The following RGS7 variants were observed in gnomAD, a reference collection of about 807,000 sequenced individuals.
The protein encoded by RGS7 is regulator of G protein signaling 7.
A neutral mutation model predicts 81.1 loss-of-function variants in RGS7; 27 were observed. That is an observed-to-expected ratio of 0.33 (90% CI 0.25 to 0.46). The LOEUF (loss-of-function observed/expected upper bound fraction) is 0.46. Ranked by LOEUF, RGS7 falls within the 20% of genes least tolerant of loss-of-function variation. RGS7 has a pLI of 1.00. For missense variants in RGS7, 396 were observed against 607.4 expected, an observed-to-expected ratio of 0.65 and a Z score of 3.66; for synonymous variants, 208 against 207.7, an observed-to-expected ratio of 1.00 and a Z score of -0.01.
intron 4 of RGS7, among the ~76,000 whole-genome samples, chr1:240,940,834 T>G (rs560127642): frequency 5.9e-5 from 9 of 152,328 alleles, no homozygotes; most frequent in African/African-American, 1.9e-4. Context: ...AGACTATTCT[T>G]GACTCCTGCA....
At chr1:240,782,537 C>G (rs548032181) in intron 18 of RGS7, among the ~76,000 whole-genome samples, 1 of 152,266 alleles carries the variant, frequency 6.6e-6, no homozygotes, top group Non-Finnish European at 1.5e-5. Flanking sequence ...ATCCTCCTGC[C>G]TCAGCCTCCC....
At chr1:240,950,487 T>C (rs1395847180) in intron 4 of RGS7, among the ~76,000 whole-genome samples, 2 of 152,146 alleles carry the variant, frequency 1.3e-5, no homozygotes, top group Non-Finnish European at 2.9e-5. Context: ...GGGCAGAGCT[T>C]CTACAAAATA....
rs143043027 is a variant in RGS7 at position 240,863,723 on chromosome 1, G to A, written c.609+4864C>T. Among the ~76,000 whole-genome samples, 466 of 151,984 alleles carry A rather than the reference G, an allele frequency of 3.1e-3. 3 individuals carry two copies. The highest frequency in any genetic ancestry group is 0.01 in the African/African-American group (433 of 41,414). On this transcript the variant is annotated intron_variant, in intron 9 of 18. Transcript: ENST00000440928. ...TATATGAAAAATGCCCTGAACTCTG[G>A]ACTTTTAAAAACAGCAAAAGGATAT...
intron 2 of RGS7, among the ~76,000 whole-genome samples, chr1:241,130,016 A>G (rs982966904): frequency 6.6e-6 from 1 of 152,188 alleles, no homozygotes; most frequent in African/African-American, 2.4e-5. Context: ...TACCATCACT[A>G]TGCTCCACCT....
chr1:240,935,886 C>T (rs1156867237), intron 5 of RGS7, among the ~76,000 whole-genome samples: 1 of 152,148 alleles, frequency 6.6e-6, no homozygotes, highest in African/African-American at 2.4e-5. Flanking sequence ...ATTTTATGTG[C>T]CTTAATTTTA....
At chr1:241,150,907 G>A (rs2068699600) in intron 2 of RGS7, among the ~76,000 whole-genome samples, 1 of 152,170 alleles carries the variant, frequency 6.6e-6, no homozygotes, top group South Asian at 2.1e-4. Flanking sequence ...AACCCAGAGG[G>A]CCACTGTTGC....
At position 240,911,561 on chromosome 1, in the gene RGS7, T is replaced by C. The variant is rs1361994904; in HGVS notation, c.385+19156A>G. 5.3e-5 allele frequency among the ~76,000 whole-genome samples: 8 copies of C among 152,310 alleles called. No individual in the cohort carries two copies. In the East Asian group the frequency reaches 1.5e-3, roughly 29 times the overall value. On this transcript the variant is annotated intron_variant, in intron 6 of 18. Transcript: ENST00000440928. ...AATCTTTCTGTCCAACACCAATCTC[T>C]TGTCTTTACTTTAGAATTGGATAGC...
At chr1:240,954,983 G>A (rs1332560454) in intron 4 of RGS7, among the ~76,000 whole-genome samples, 1 of 152,046 alleles carries the variant, frequency 6.6e-6, no homozygotes, top group Non-Finnish European at 1.5e-5. Context: ...ATTTAACAAT[G>A]CCATTCACAA....
chr1:241,169,271 T>G (rs994036636), intron 2 of RGS7, among the ~76,000 whole-genome samples: 2 of 151,110 alleles, frequency 1.3e-5, no homozygotes, highest in African/African-American at 4.9e-5. Flanking sequence ...CTTAAGAAAA[T>G]CAAGTCCTTT....
intron 2 of RGS7, among the ~76,000 whole-genome samples, chr1:241,180,283 G>A (rs1170764358): frequency 6.6e-6 from 1 of 152,130 alleles, no homozygotes; most frequent in South Asian, 2.1e-4. Flanking sequence ...GCTGAGGCAG[G>A]AGAATGGCGT....
intron 2 of RGS7, among the ~76,000 whole-genome samples, chr1:241,125,854 C>T (rs1445906859): frequency 6.6e-6 from 1 of 152,148 alleles, no homozygotes; most frequent in Non-Finnish European, 1.5e-5. Context: ...CTCTTAGGAA[C>T]TGAAAGTGCT....
intron 2 of RGS7, among the ~76,000 whole-genome samples, chr1:241,236,719 A>C (rs2148108689): frequency 6.6e-6 from 1 of 152,352 alleles, no homozygotes; most frequent in African/African-American, 2.4e-5. Flanking sequence ...TTCGATAAAG[A>C]AGCAATATGA....
chr1:241,300,163 T>A (rs1315062870), intron 2 of RGS7, among the ~76,000 whole-genome samples: 1 of 151,750 alleles, frequency 6.6e-6, no homozygotes, highest in Admixed American at 6.6e-5. Flanking sequence ...ACAGCAAAAT[T>A]AAGTGGAAAG....
intron 2 of RGS7, among the ~76,000 whole-genome samples, chr1:241,139,901 C>T (rs2067806674): frequency 6.6e-6 from 1 of 152,182 alleles, no homozygotes; most frequent in Non-Finnish European, 1.5e-5. Context: ...AGAGTATTGT[C>T]TTGGTGTTTA....
chr1:241,347,940 C>A (rs1010636582), intron 2 of RGS7, among the ~76,000 whole-genome samples: 5 of 151,984 alleles, frequency 3.3e-5, no homozygotes, highest in African/African-American at 1.2e-4. Context: ...TTGTTTTAAG[C>A]ACTGTATGCA....
intron 2 of RGS7, among the ~76,000 whole-genome samples, chr1:241,132,530 G>GA (rs1203967590): frequency 2.0e-5 from 3 of 151,766 alleles, no homozygotes; most frequent in Non-Finnish European, 4.4e-5. Flanking sequence ...TAAATTAAAG[G>GA]AAAAAAACAA....
intron 18 of RGS7, among the ~76,000 whole-genome samples, chr1:240,798,791 T>A (rs1453901590): frequency 1.3e-5 from 2 of 152,210 alleles, no homozygotes; most frequent in African/African-American, 4.8e-5. Flanking sequence ...TTTTCCCCAT[T>A]ATTTTCCTAG....
At chr1:241,091,547 C>CAATA (rs371664255) in intron 3 of RGS7, among the ~76,000 whole-genome samples, 10,331 of 129,070 alleles carry the variant, frequency 0.08, 473 homozygotes, top group Middle Eastern at 0.099. Flanking sequence ...GACTCTGTCT[C>CAATA]AATAAATAAA....
At chr1:241,165,325 T>A (rs984076890) in intron 2 of RGS7, among the ~76,000 whole-genome samples, 1 of 152,152 alleles carries the variant, frequency 6.6e-6, no homozygotes, top group Non-Finnish European at 1.5e-5. Flanking sequence ...TTTAGACACA[T>A]GCACACGTAT....
Sources: gnomAD v4.1 joint callset for allele counts (sites outside exome capture counted in the v4.1 genomes callset) on GRCh38, gnomAD v4.1.1 for gene constraint, MANE v1.5 for transcripts, NCBI Gene and HGNC (gene_info 2026-07-23, HGNC 2026-07-21) for gene names.